The following LPAR1 variants were observed in gnomAD, a reference collection of about 807,000 sequenced individuals.
LPAR1 encodes lysophosphatidic acid receptor 1.
LPAR1 carries 5 observed loss-of-function variants against 23.8 expected under a neutral mutation model. The observed-to-expected ratio is 0.21, with a 90% CI of 0.11 to 0.44. LPAR1 has a LOEUF of 0.44. LPAR1 is among the 20% of genes least tolerant of loss of function. The probability of loss-of-function intolerance (pLI) is 0.99; values close to 1 mark genes in which losing one functional copy is unlikely to be tolerated. For synonymous variants in LPAR1, 160 were observed against 164.7 expected (o/e 0.97, Z 0.22); for missense variants, 311 against 482.8 (o/e 0.64, Z 3.33).
chr9:110,883,400 T>C (rs946260360), intron 5 of LPAR1, among the ~76,000 whole-genome samples: 1 of 152,148 alleles, frequency 6.6e-6, no homozygotes, highest in Admixed American at 6.5e-5. Flanking sequence ...AAAATAGATA[T>C]TGGATGTACC....
intron 2 of LPAR1, among the ~76,000 whole-genome samples, chr9:111,009,323 A>G (rs2097280992): frequency 1.3e-5 from 2 of 152,132 alleles, no homozygotes; most frequent in African/African-American, 4.8e-5. Flanking sequence ...AATTACACAG[A>G]GGCACAGATG....
intron 2 of LPAR1, among the ~76,000 whole-genome samples, chr9:110,974,279 G>T (rs970535231): frequency 6.6e-6 from 1 of 152,146 alleles, no homozygotes; most frequent in African/African-American, 2.4e-5. Flanking sequence ...ATTGGGAAAT[G>T]ATACTTTTCA....
At chr9:110,984,411 T>A (rs2096736866) in intron 2 of LPAR1, among the ~76,000 whole-genome samples, 1 of 152,072 alleles carries the variant, frequency 6.6e-6, no homozygotes, top group Non-Finnish European at 1.5e-5. Flanking sequence ...CAAGATCTTA[T>A]TCCTTTTCTG....
chr9:111,012,777 C>T (rs969901828), intron 2 of LPAR1, among the ~76,000 whole-genome samples: 1 of 151,754 alleles, frequency 6.6e-6, no homozygotes, highest in South Asian at 2.1e-4. Context: ...AGAAACTGTT[C>T]AATTGAGAGA....
chr9:110,958,132 T>C lies in LPAR1; in HGVS notation c.45+13941A>G, dbSNP rs148348671. 2.6e-4 allele frequency among the ~76,000 whole-genome samples: 39 copies of C among 152,324 alleles called. 1 individual carries two copies. The East Asian group carries it at 6.2e-3, about 24-fold the overall frequency. On this transcript the variant is annotated intron_variant, in intron 4 of 5. Transcript: ENST00000683809. Reference sequence around the variant, plus strand: ...TGCTTATAGATCGAACGAATTAACGTTGTTAAAATGATCACACTACCCAAA... The same window carrying C: ...TGCTTATAGATCGAACGAATTAACGCTGTTAAAATGATCACACTACCCAAA...
chr9:110,950,342 G>T (rs767884619), intron 4 of LPAR1, among the ~76,000 whole-genome samples: 6 of 151,744 alleles, frequency 4.0e-5, no homozygotes, highest in Non-Finnish European at 8.8e-5. Context: ...GTACATGCCT[G>T]TAATCCCAGC....
chr9:110,880,227 G>T (rs546765636), intron 5 of LPAR1, among the ~76,000 whole-genome samples: 16 of 152,254 alleles, frequency 1.1e-4, no homozygotes, highest in Admixed American at 1.0e-3. Context: ...AGCAATCTGT[G>T]AGAACCCCAA....
intron 5 of LPAR1, among the ~76,000 whole-genome samples, chr9:110,931,391 G>C (rs1328965985): frequency 6.6e-6 from 1 of 152,116 alleles, no homozygotes; most frequent in Non-Finnish European, 1.5e-5. Context: ...TATTTTTGTT[G>C]ATCTTTGCAG....
chr9:110,978,499 C>T lies in LPAR1; in HGVS notation c.-181-4941G>A, dbSNP rs542966036. Among the ~76,000 whole-genome samples, 861 of 152,250 alleles carry T rather than the reference C, an allele frequency of 5.7e-3. 7 individuals are homozygous for T. The highest frequency in any genetic ancestry group is 0.019 in the African/African-American group (802 of 41,570). Reference sequence around the variant, plus strand: ...TTCTAAAAACTTTAGAAAACTATTACAGATATACAACAATTTAGATAAAAT... The same window carrying T: ...TTCTAAAAACTTTAGAAAACTATTATAGATATACAACAATTTAGATAAAAT... On this transcript the variant is annotated intron_variant, in intron 2 of 5. Transcript: ENST00000683809.
rs1431960175 is a variant in LPAR1 at position 110,943,857 on chromosome 9, C to T, written c.46-1689G>A. Among the ~76,000 whole-genome samples the T allele has an allele frequency of 2.3e-5, 3 of 130,622 alleles. No homozygotes were observed. The East Asian group carries it at 8.1e-4, about 35-fold the overall frequency. 85.7% of individuals were successfully genotyped at this position (130,622 alleles called of 152,430 possible). On this transcript the variant is annotated intron_variant, in intron 4 of 5. Coordinates refer to ENST00000683809, the MANE Select transcript of LPAR1 (RefSeq NM_001351411.2). ...CCTGAGTAACAAAGCAAGACCCCAACTCCATCTCAAAAAAAAAAAAAAAAA... is the reference window on the plus strand; with the variant it reads ...CCTGAGTAACAAAGCAAGACCCCAATTCCATCTCAAAAAAAAAAAAAAAAA...
intron 4 of LPAR1, among the ~76,000 whole-genome samples, chr9:110,960,397 C>T (rs979992434): frequency 6.6e-6 from 1 of 152,144 alleles, no homozygotes; most frequent in Non-Finnish European, 1.5e-5. Flanking sequence ...CATATGTATA[C>T]ATTCACAAGC....
intron 5 of LPAR1, among the ~76,000 whole-genome samples, chr9:110,891,791 G>A (rs77555565): frequency 3.9e-5 from 6 of 152,116 alleles, no homozygotes; most frequent in East Asian, 3.8e-4. Context: ...ATGAAAAGGC[G>A]ATCAGCTTCA....
chr9:110,959,444 C>T (rs4978973), intron 4 of LPAR1, among the ~76,000 whole-genome samples: 24,720 of 151,432 alleles, frequency 0.16, 2,206 homozygotes, highest in South Asian at 0.26. Context: ...GGTGAAACCC[C>T]GTCTCTACCA....
intron 4 of LPAR1, among the ~76,000 whole-genome samples, chr9:110,958,380 C>A (rs557514086): frequency 1.1e-3 from 160 of 152,202 alleles, no homozygotes; most frequent in African/African-American, 3.6e-3. Context: ...TAAAAACAGA[C>A]ACATAGACCA....
At chr9:111,014,027 T>C (rs1016969112) in intron 2 of LPAR1, among the ~76,000 whole-genome samples, 3 of 152,180 alleles carry the variant, frequency 2.0e-5, no homozygotes, top group Admixed American at 6.5e-5. Context: ...CCCAGCCTCC[T>C]GCTCCCTCCA....
rs1239878960 is a variant in LPAR1 at position 110,874,753 on chromosome 9, T to C, written c.*668A>G. The C allele has an allele frequency of 6.6e-6, 1 of 152,654 alleles. No individual in the cohort carries two copies. Among genetic ancestry groups the C allele is most frequent in the Non-Finnish European group, 1.5e-5 (1 of 68,032 alleles). 9.5% of individuals were successfully genotyped at this position (152,654 alleles called of 1,614,324 possible). On this transcript the variant is annotated 3_prime_UTR_variant, in exon 6 of 6. Transcript: ENST00000683809. The stretch of plus-strand genomic sequence containing the variant: ...GTTAATATTGTGATTAGAGCATTGT[T>C]TGCTTCATGACCTAAACAAATACTG...
rs139336629 is a variant in LPAR1 at position 110,950,740 on chromosome 9, C to T, written c.46-8572G>A. On this transcript the variant is annotated intron_variant, in intron 4 of 5. Transcript: ENST00000683809. ...ATAAGTCTGACTTTACAAAAGCATA[C>T]AAGCAAACCTAAATAAATGAAGAAA... 5.1e-4 allele frequency among the ~76,000 whole-genome samples: 77 copies of T among 152,116 alleles called. No individual in the cohort carries two copies. The East Asian group carries it at 0.013, about 26-fold the overall frequency.
intron 4 of LPAR1, among the ~76,000 whole-genome samples, chr9:110,955,954 A>C (rs2095726783): frequency 6.6e-6 from 1 of 152,100 alleles, no homozygotes; most frequent in Non-Finnish European, 1.5e-5. Context: ...AAAAACTAGA[A>C]AGATTTCCAA....
intron 2 of LPAR1, among the ~76,000 whole-genome samples, chr9:111,002,108 T>C (rs191716341): frequency 6.6e-6 from 1 of 152,316 alleles, no homozygotes; most frequent in Admixed American, 6.5e-5. Context: ...GAAATAACAG[T>C]GGTTTTTTAA....
Sources: gnomAD v4.1 joint callset for allele counts (sites outside exome capture counted in the v4.1 genomes callset) on GRCh38, gnomAD v4.1.1 for gene constraint, MANE v1.5 for transcripts, NCBI Gene and HGNC (gene_info 2026-07-23, HGNC 2026-07-21) for gene names.